Variants in NBEA observed in about 807,000 individuals in gnomAD.
NBEA encodes lysosomal-trafficking regulator 2.
NBEA carries 44 observed loss-of-function variants against 343.4 expected under a neutral mutation model. That is an observed-to-expected ratio of 0.13 (90% CI 0.10 to 0.16). NBEA has a LOEUF of 0.16. Among genes scored for constraint, NBEA ranks in the 10% least tolerant of loss-of-function variants. The pLI is 1.00. For missense variants in NBEA, 2,555 were observed against 3,631.3 expected (o/e 0.70, Z 7.62); for synonymous variants, 1,175 against 1,238.7 (o/e 0.95, Z 1.08).
At chr13:35,316,271 C>T (rs193079123) in intron 36 of NBEA, among the ~76,000 whole-genome samples, 3 of 151,976 alleles carry the variant, frequency 2.0e-5, no homozygotes, top group African/African-American at 7.2e-5. Flanking sequence ...CCTCCACCCC[C>T]CAACAGGCCC....
intron 27 of NBEA, 139 bp downstream of exon 27, chr13:35,173,733 C>G (rs982677640): frequency 3.1e-6 from 2 of 642,320 alleles, no homozygotes; most frequent in Non-Finnish European, 4.6e-6. Flanking sequence ...GGCTGCTTAA[C>G]AATTTTGTTA....
At chr13:34,999,836 T>C (rs1304576742) in intron 1 of NBEA, among the ~76,000 whole-genome samples, 1 of 152,086 alleles carries the variant, frequency 6.6e-6, no homozygotes, top group Non-Finnish European at 1.5e-5. Flanking sequence ...GTAAGTACAG[T>C]GTCTGGATTT....
intron 4 of NBEA, among the ~76,000 whole-genome samples, chr13:35,047,818 T>TTAATTTTAAA (rs140361492): frequency 2.2e-3 from 2 of 922 alleles, no homozygotes; most frequent in African/African-American, 5.6e-3. Flanking sequence ...TATTTGAGGA[T>TTAATTTTAAA]ATCTTTTATG....
chr13:35,475,286 G>A, intron 41 of NBEA: 1 of 1,614,110 alleles, frequency 6.2e-7, no homozygotes. Context: ...TCTCGGGGAT[G>A]CTTTTCACAC....
intron 1 of NBEA, among the ~76,000 whole-genome samples, chr13:35,006,896 G>A (rs1445018999): frequency 6.6e-6 from 1 of 152,198 alleles, no homozygotes; most frequent in African/African-American, 2.4e-5. Flanking sequence ...GGGATTACAG[G>A]CATGCACCAC....
chr13:35,004,395 A>G (rs2061247045), intron 1 of NBEA, among the ~76,000 whole-genome samples: 1 of 152,186 alleles, frequency 6.6e-6, no homozygotes, highest in Non-Finnish European at 1.5e-5. Context: ...TAGATCATTC[A>G]TATGGTCTTC....
chr13:35,518,214 T>G (rs1465707956), intron 41 of NBEA, among the ~76,000 whole-genome samples: 3 of 152,116 alleles, frequency 2.0e-5, no homozygotes, highest in Non-Finnish European at 4.4e-5. Flanking sequence ...CCAACAGTCC[T>G]TTGTAGTTAT....
intron 40 of NBEA, among the ~76,000 whole-genome samples, chr13:35,467,340 T>C (rs1208524236): frequency 1.3e-5 from 2 of 151,912 alleles, no homozygotes; most frequent in East Asian, 1.9e-4. Flanking sequence ...GGCATGGTGG[T>C]ATGCACCTGT....
chr13:35,337,827 A>G (rs1594268276), intron 36 of NBEA, among the ~76,000 whole-genome samples: 2 of 152,082 alleles, frequency 1.3e-5, no homozygotes, highest in African/African-American at 2.4e-5. Context: ...AGGAAATTTG[A>G]AAGATTCACA....
At chr13:35,391,653 T>C (rs189428845) in intron 38 of NBEA, among the ~76,000 whole-genome samples, 2 of 151,874 alleles carry the variant, frequency 1.3e-5, no homozygotes, top group Admixed American at 6.6e-5. Flanking sequence ...ATGCATGAAG[T>C]ATGTGTATAT....
chr13:35,334,026 C>T (rs1344596435), intron 36 of NBEA, among the ~76,000 whole-genome samples: 2 of 151,532 alleles, frequency 1.3e-5, no homozygotes, highest in Non-Finnish European at 2.9e-5. Flanking sequence ...ATAACTCTTC[C>T]GTAGATCGAT....
intron 33 of NBEA, among the ~76,000 whole-genome samples, chr13:35,214,591 T>C (rs1401784673): frequency 1.3e-5 from 2 of 151,830 alleles, no homozygotes; most frequent in Non-Finnish European, 3.0e-5. Flanking sequence ...ATTCTTCATA[T>C]ATGTCCTTTG....
chr13:35,244,446 G>A (rs576306866), intron 34 of NBEA, among the ~76,000 whole-genome samples: 1 of 152,000 alleles, frequency 6.6e-6, no homozygotes, highest in East Asian at 1.9e-4. Context: ...TCCTTTCTGG[G>A]TTCTCTATTC....
At chr13:35,225,036 T>A (rs530693289) in intron 33 of NBEA, among the ~76,000 whole-genome samples, 1 of 152,146 alleles carries the variant, frequency 6.6e-6, no homozygotes, top group African/African-American at 2.4e-5. Context: ...GGTGCTAGTT[T>A]TTCAGAGTGT....
intron 6 of NBEA, among the ~76,000 whole-genome samples, chr13:35,051,135 T>C (rs2063051645): frequency 6.6e-6 from 1 of 151,998 alleles, no homozygotes; most frequent in Non-Finnish European, 1.5e-5. Context: ...AAAATCCAGA[T>C]GAAAGAAAAC....
intron 4 of NBEA, among the ~76,000 whole-genome samples, chr13:35,048,260 C>A (rs2062935104): frequency 6.6e-6 from 1 of 151,892 alleles, no homozygotes; most frequent in Admixed American, 6.6e-5. Flanking sequence ...GTGTAAGAGA[C>A]TGTATACTGA....
chr13:35,164,708 C>T (rs1439671632), intron 24 of NBEA, among the ~76,000 whole-genome samples, 199 bp downstream of exon 24: 2 of 152,052 alleles, frequency 1.3e-5, no homozygotes, highest in Non-Finnish European at 2.9e-5. Context: ...AAATGTTTCT[C>T]TGGTAATTCT....
intron 34 of NBEA, among the ~76,000 whole-genome samples, chr13:35,233,300 C>T (rs538697375): frequency 6.6e-6 from 1 of 152,224 alleles, no homozygotes; most frequent in Non-Finnish European, 1.5e-5. Flanking sequence ...TGGGATTTAG[C>T]ATCCTTGTAT....
intron 36 of NBEA, among the ~76,000 whole-genome samples, chr13:35,327,563 G>GTGAGCTAAACGTTGGATAA (rs1421249020): frequency 6.6e-6 from 1 of 152,016 alleles, no homozygotes; most frequent in Non-Finnish European, 1.5e-5. Flanking sequence ...ACTTATAAGT[G>GTGAGCTAAACGTTGGATAA]TGAGCTAAAC....
Sources: allele counts gnomAD v4.1 joint callset (sites outside exome capture counted in the v4.1 genomes callset), GRCh38; gene constraint gnomAD v4.1.1; transcripts MANE v1.5; gene names NCBI Gene and HGNC (gene_info 2026-07-23, HGNC 2026-07-21).